The following RPS5 variants were observed in gnomAD, a reference collection of about 807,000 sequenced individuals.
The protein encoded by RPS5 is ribosomal protein S5, also known as small ribosomal subunit protein uS7.
RPS5 carries 2 observed loss-of-function variants against 20.9 expected under a neutral mutation model. The observed-to-expected ratio is 0.10, with a 90% CI of 0.04 to 0.30. RPS5 has a LOEUF of 0.30. RPS5 is among the 10% of genes least tolerant of loss of function. The pLI is 1.00. For missense variants in RPS5, 122 were observed against 287.2 expected, an observed-to-expected ratio of 0.42 and a Z score of 4.16; for synonymous variants, 112 against 105.8, an observed-to-expected ratio of 1.06 and a Z score of -0.36.
chr19:58,390,340 A>G (rs895446135), intron 2 of RPS5, among the ~76,000 whole-genome samples: 1 of 149,722 alleles, frequency 6.7e-6, no homozygotes, highest in Non-Finnish European at 1.5e-5. Flanking sequence ...GGTTATAGGC[A>G]TGAGCCACTG....
In RPS5 at chr19:58,387,301, C is replaced by A. The variant is rs530567280; in HGVS notation, c.-40C>A. 6.6e-6 allele frequency: 1 copy of A among 152,280 alleles called. No individual in the cohort carries two copies. The highest frequency in any genetic ancestry group is 1.5e-5 in the Non-Finnish European group (1 of 68,068). The allele number at this position is 152,280 out of a possible 1,614,324, so 9.4% of individuals were successfully genotyped here. A position where few individuals can be genotyped will look rare whatever the true frequency, so the allele number is the denominator to read the frequency against. On this transcript the variant is annotated 5_prime_UTR_variant, in exon 1 of 6. Transcript: ENST00000196551. Reference sequence around the variant, plus strand: ...TGTCTGTACCAGGGCGGCGCGTGGTCTACGCCGAGTGACAGAGACGCTCAG... The same window carrying A: ...TGTCTGTACCAGGGCGGCGCGTGGTATACGCCGAGTGACAGAGACGCTCAG...
chr19:58,388,952 A>G (rs2052346350), intron 2 of RPS5, among the ~76,000 whole-genome samples: 1 of 151,970 alleles, frequency 6.6e-6, no homozygotes, highest in Admixed American at 6.6e-5. Context: ...TTCATTACAG[A>G]CTTTCAGTTA....
chr19:58,393,623 A>G, intron 4 of RPS5, 136 bp downstream of exon 4: 1 of 1,163,238 alleles, frequency 8.6e-7, no homozygotes, highest in Non-Finnish European at 1.2e-6. Flanking sequence ...GCCTTCCTGG[A>G]TTCCCACCCT....
chr19:58,391,572 C>G (rs576675369), intron 2 of RPS5, among the ~76,000 whole-genome samples: 1 of 151,940 alleles, frequency 6.6e-6, no homozygotes, highest in African/African-American at 2.4e-5. Context: ...CGTTGCACTC[C>G]AGCCTGGGTG....
chr19:58,389,367 G>GGC (rs1414545927), intron 2 of RPS5, among the ~76,000 whole-genome samples: 1 of 151,880 alleles, frequency 6.6e-6, no homozygotes, highest in Non-Finnish European at 1.5e-5. Flanking sequence ...AATACACCTG[G>GGC]GCTCAGGGGA....
At position 58,392,893 on chromosome 19, in the gene RPS5, C is replaced by T. The variant is rs534563458; in HGVS notation, c.109-83C>T. On this transcript the variant is annotated intron_variant, in intron 2 of 5. Coordinates refer to ENST00000196551, the MANE Select transcript of RPS5 (RefSeq NM_001009.4). ...GCTGTTGGACTACCCCGAATGGGTA[C>T]TTGATCTCTCCTCTGGTGTCTGGCC... 5.6e-5 allele frequency: 75 copies of T among 1,331,980 alleles called. No homozygotes were observed. The African/African-American group carries it at 8.2e-4, about 15-fold the overall frequency. 82.5% of individuals were successfully genotyped at this position (1,331,980 alleles called of 1,614,324 possible).
chr19:58,393,737 C>CTT (rs927614331), intron 4 of RPS5: 258 of 372,036 alleles, frequency 6.9e-4, no homozygotes, highest in East Asian at 1.1e-3. Context: ...TGTATATGTA[C>CTT]TTTTTTTTTT....
At chr19:58,387,951 A>T in intron 1 of RPS5, 186 bp from the exon 2 acceptor site, 1 of 592,384 alleles carries the variant, frequency 1.7e-6, no homozygotes, top group Non-Finnish European at 3.0e-6. Context: ...TGAAAGACAG[A>T]TGCTTCTTGC....
chr19:58,394,493 C>G lies in RPS5; in HGVS notation c.448-4C>G. On this transcript the variant is annotated splice_region_variant and splice_polypyrimidine_tract_variant and intron_variant, in intron 4 of 5. Coordinates refer to ENST00000196551, the MANE Select transcript of RPS5 (RefSeq NM_001009.4). ...TTCTAGCCTGACCCCTGCTGTCTTCCTAGGCCATCTGGCTGCTGTGCACAG... is the reference window on the plus strand; with the variant it reads ...TTCTAGCCTGACCCCTGCTGTCTTCGTAGGCCATCTGGCTGCTGTGCACAG... 1 of 1,613,804 alleles carries G rather than the reference C, an allele frequency of 6.2e-7. No individual in the cohort carries two copies. Among genetic ancestry groups the G allele is most frequent in the Non-Finnish European group, 8.5e-7 (1 of 1,179,890 alleles).
At chr19:58,388,098 G>A in intron 1 of RPS5, 39 bp from the exon 2 acceptor site, 1 of 1,436,094 alleles carries the variant, frequency 7.0e-7, no homozygotes. Flanking sequence ...CATGCTAGCT[G>A]AGCTCTGACG....
chr19:58,391,806 G>C (rs773042053), intron 2 of RPS5, among the ~76,000 whole-genome samples: 2 of 150,872 alleles, frequency 1.3e-5, no homozygotes, highest in Non-Finnish European at 1.5e-5. Flanking sequence ...TGCACCTGTA[G>C]TCCCAGCTAC....
intron 2 of RPS5, 88 bp from the exon 3 acceptor site, chr19:58,392,887 TG>T: frequency 8.1e-7 from 1 of 1,239,536 alleles, no homozygotes; most frequent in Non-Finnish European, 1.2e-6. Context: ...CTACCCCGAA[TG>T]GGTACTTGAT....
At chr19:58,392,793 T>C (rs961090650) in intron 2 of RPS5, among the ~76,000 whole-genome samples, 183 bp from the exon 3 acceptor site, 1 of 152,164 alleles carries the variant, frequency 6.6e-6, no homozygotes, top group Non-Finnish European at 1.5e-5. Flanking sequence ...AAGTCACCTG[T>C]TCAGGGTTTT....
intron 2 of RPS5, among the ~76,000 whole-genome samples, chr19:58,391,078 T>C (rs1387389637): frequency 1.3e-5 from 2 of 152,194 alleles, no homozygotes; most frequent in African/African-American, 2.4e-5. Context: ...GTTAACTTTT[T>C]GGCATTTTTC....
intron 2 of RPS5, 134 bp downstream of exon 2, chr19:58,388,379 A>T: frequency 1.5e-6 from 1 of 651,390 alleles, no homozygotes; most frequent in Non-Finnish European, 2.8e-6. Flanking sequence ...TCCCTTGACC[A>T]CCACATCTAC....
At chr19:58,389,376 G>A (rs1049279895) in intron 2 of RPS5, among the ~76,000 whole-genome samples, 5 of 151,814 alleles carry the variant, frequency 3.3e-5, no homozygotes, top group Non-Finnish European at 5.9e-5. Flanking sequence ...GGGCTCAGGG[G>A]ATCTTCCTGT....
intron 2 of RPS5, among the ~76,000 whole-genome samples, chr19:58,389,825 C>T (rs562852960): frequency 1.2e-3 from 181 of 151,216 alleles, no homozygotes; most frequent in Non-Finnish European, 1.7e-3. Flanking sequence ...TTAGTAGAGA[C>T]GGGGTTTCAC....
chr19:58,392,966 G>C lies in RPS5; in HGVS notation c.109-10G>C. On this transcript the variant is annotated splice_polypyrimidine_tract_variant and intron_variant, in intron 2 of 5. Transcript: ENST00000196551. Reference sequence around the variant, plus strand: ...ATTTTCCCTTCATTTCCTGCTCCCTGCTGCCCCAGGATTACATTGCAGTGA... The same window carrying C: ...ATTTTCCCTTCATTTCCTGCTCCCTCCTGCCCCAGGATTACATTGCAGTGA... 1 of 1,612,220 alleles carries C rather than the reference G, an allele frequency of 6.2e-7. No homozygotes were observed. Among genetic ancestry groups the C allele is most frequent in the East Asian group, 2.2e-5 (1 of 44,826 alleles).
intron 2 of RPS5, 34 bp downstream of exon 2, chr19:58,388,279 G>A (rs370894492): frequency 6.9e-7 from 1 of 1,440,518 alleles, no homozygotes; most frequent in Non-Finnish European, 9.7e-7. Flanking sequence ...CTTCCTGGCT[G>A]GGGGCGGACA....
Sources: allele counts gnomAD v4.1 joint callset (sites outside exome capture counted in the v4.1 genomes callset), GRCh38; gene constraint gnomAD v4.1.1; transcripts MANE v1.5; gene names NCBI Gene and HGNC (gene_info 2026-07-23, HGNC 2026-07-21).